Variants in NOD2 observed in about 807,000 individuals in gnomAD.
NOD2 encodes the protein nucleotide-binding oligomerization domain-containing protein 2.
A neutral mutation model predicts 90.9 loss-of-function variants in NOD2; 86 were observed. The observed-to-expected ratio is 0.95, with a 90% CI of 0.79 to 1.13. The LOEUF (loss-of-function observed/expected upper bound fraction) is 1.13, where lower values mean the gene tolerates loss of function less well. Among genes scored for constraint, NOD2 ranks in the 50% most tolerant of loss-of-function variants. The pLI, the probability that NOD2 is intolerant of heterozygous loss-of-function variation, is 0.00. For synonymous variants in NOD2, 581 were observed against 554.6 expected (o/e 1.05, Z -0.67); for missense variants, 1,238 against 1,283.8 (o/e 0.96, Z 0.55).
chr16:50,708,836 C>T (rs1357736653), intron 3 of NOD2, among the ~76,000 whole-genome samples: 4 of 152,150 alleles, frequency 2.6e-5, no homozygotes, highest in Admixed American at 6.5e-5. Context: ...CTGGCACTCG[C>T]GAGTGCACCG....
At position 50,731,619 on chromosome 16, in the gene NOD2, G is replaced by GAA. The variant is rs1450629299; in HGVS notation, c.2970-126_2970-125dup. Reference sequence around the variant, plus strand: ...AAAAACAGCCCTGACTTCCCTGCAAGAAACACTGCAGCTGGGCCAGAGAGT... The same window carrying GAA: ...AAAAACAGCCCTGACTTCCCTGCAAGAAAAACACTGCAGCTGGGCCAGAGAGT... On this transcript the variant is annotated intron_variant, in intron 11 of 11. Coordinates refer to ENST00000647318, the MANE Select transcript of NOD2 (RefSeq NM_001370466.1). The GAA allele has an allele frequency of 5.5e-6, 4 of 730,288 alleles. No homozygotes were observed. The African/African-American group carries it at 6.9e-5, about 13-fold the overall frequency. 45.2% of individuals were successfully genotyped at this position (730,288 alleles called of 1,614,324 possible).
At chr16:50,706,451 G>T (rs367766667) in intron 2 of NOD2, among the ~76,000 whole-genome samples, 7 of 152,184 alleles carry the variant, frequency 4.6e-5, no homozygotes, top group African/African-American at 1.7e-4. Flanking sequence ...AGGAACAGAA[G>T]CAGGGGGACC....
In NOD2 at chr16:50,712,133, G is replaced by T. The variant is rs759074613; in HGVS notation, c.2141G>T (p.Trp714Leu). ...GTGCATGCCATGCCCGGGTTCATCT[G>T]GCTCATCCGGAGCCTGTACGAGATG... ...KSVHAMPGFIWLIRSLYEMQE... is the reference protein window; with the variant it reads ...KSVHAMPGFILLIRSLYEMQE... Residue 714 changes from tryptophan to leucine, a missense_variant, in exon 4 of 12, where the codon TGG (tryptophan) becomes TTG (leucine). Physicochemically the swap from Trp to Leu is moderately conservative, Grantham distance 61. Transcript: ENST00000647318. The T allele has an allele frequency of 6.2e-7, 1 of 1,613,970 alleles. No homozygotes were observed.
chr16:50,716,927 C>G lies in NOD2; in HGVS notation c.2502C>G (p.His834Gln). The part of the protein sequence containing the change: ...FNNKLTDGCA[H>Q]SMAKLLACRQ... ...ACAAATTGACTGACGGCTGTGCACACTCCATGGCTAAGCTCCTTGCATGCA... is the reference window on the plus strand; with the variant it reads ...ACAAATTGACTGACGGCTGTGCACAGTCCATGGCTAAGCTCCTTGCATGCA... The change falls in exon 6 of 12, where the codon CAC becomes CAG. Residue 834 changes from histidine to glutamine, a missense_variant. Around this residue, in one of 3 missense-constraint regions of NOD2, gnomAD observed 667 missense variants for 688.7 expected, o/e 0.97. Coordinates refer to ENST00000647318, the MANE Select transcript of NOD2 (RefSeq NM_001370466.1). 6.2e-7 allele frequency: 1 copy of G among 1,614,284 alleles called. No individual in the cohort carries two copies. Among genetic ancestry groups the G allele is most frequent in the Non-Finnish European group, 8.5e-7 (1 of 1,180,046 alleles).
intron 3 of NOD2, chr16:50,709,995 G>C: frequency 2.2e-6 from 1 of 456,048 alleles, no homozygotes; most frequent in Non-Finnish European, 4.4e-6. Context: ...AGTGTATGGT[G>C]GACCCAGGTT....
At chr16:50,727,822 T>G in intron 10 of NOD2, 1 of 372,062 alleles carries the variant, frequency 2.7e-6, no homozygotes. Context: ...ACTTCTCATA[T>G]GTAATGGTTT....
Position 50,711,935 on chromosome 16 carries a change from C to A in NOD2, c.1943C>A (p.Ala648Glu). ...GAGCCGCACAACCTTCAGATCACAGCAGCCTTCCTGGCAGGGCTGTTGTCC... is the reference window on the plus strand; with the variant it reads ...GAGCCGCACAACCTTCAGATCACAGAAGCCTTCCTGGCAGGGCTGTTGTCC... ...KAEPHNLQIT[A>E]AFLAGLLSRE... Residue 648 changes from alanine (A) to glutamate (E), a missense_variant, in exon 4 of 12, where the codon GCA (alanine) becomes GAA (glutamate). This residue lies in a region of NOD2 where 667 missense variants were observed against 688.7 expected (regional missense o/e 0.97). Coordinates refer to ENST00000647318, the MANE Select transcript of NOD2 (RefSeq NM_001370466.1). The A allele has an allele frequency of 6.2e-7, 1 of 1,611,860 alleles. No homozygotes were observed. Among genetic ancestry groups the A allele is most frequent in the Non-Finnish European group, 8.5e-7 (1 of 1,178,604 alleles).
At position 50,732,193 on chromosome 16, in the gene NOD2, C is replaced by G. The variant is rs1044571264; in HGVS notation, c.*374C>G. The G allele has an allele frequency of 2.7e-6, 1 of 370,880 alleles. No individual in the cohort carries two copies. Among genetic ancestry groups the G allele is most frequent in the Non-Finnish European group, 5.2e-6 (1 of 192,032 alleles). 23.0% of individuals were successfully genotyped at this position (370,880 alleles called of 1,614,324 possible). A position where few individuals can be genotyped will look rare whatever the true frequency, so the allele number is the denominator to read the frequency against. ...CTGAGTGCCTTTTGGTGGAGAGGCCCGGCCTCTCACAAAAGACCCCTTACC... is the reference window on the plus strand; with the variant it reads ...CTGAGTGCCTTTTGGTGGAGAGGCCGGGCCTCTCACAAAAGACCCCTTACC... On this transcript the variant is annotated 3_prime_UTR_variant, in exon 12 of 12. Coordinates refer to ENST00000647318, the MANE Select transcript of NOD2 (RefSeq NM_001370466.1).
intron 1 of NOD2, chr16:50,697,415 C>T (rs368240261): frequency 1.3e-5 from 15 of 1,134,232 alleles, no homozygotes; most frequent in East Asian, 5.1e-5. Flanking sequence ...ATGGGGAGTG[C>T]TGACTCTGTT....
Position 50,710,630 on chromosome 16 carries a change from A to G in NOD2, c.638A>G (p.Tyr213Cys), listed in dbSNP as rs202190367. The change falls in exon 4 of 12, where the codon TAT becomes TGT. Residue 213 changes from tyrosine to cysteine, a missense_variant. Tyr to Cys is a radical substitution (Grantham distance 194). Around this residue, in one of 3 missense-constraint regions of NOD2, gnomAD observed 567 missense variants for 577.3 expected, o/e 0.98. Coordinates refer to ENST00000647318, the MANE Select transcript of NOD2 (RefSeq NM_001370466.1). ...GCTCAGTCTCGCTTCCTCAGTACCT[A>G]TGATGGAGCAGAGACGCTCTGCCTG... is the stretch of plus-strand genomic sequence containing the variant. ...VSAQSRFLST[Y>C]DGAETLCLED... The G allele has an allele frequency of 5.9e-5, 96 of 1,614,002 alleles. No homozygotes were observed. The highest frequency in any genetic ancestry group is 6.9e-5 in the Non-Finnish European group (82 of 1,180,028).
At chr16:50,718,902 A>G (rs1015085261) in intron 6 of NOD2, among the ~76,000 whole-genome samples, 1 of 152,146 alleles carries the variant, frequency 6.6e-6, no homozygotes, top group Non-Finnish European at 1.5e-5. Flanking sequence ...ATTGGGGAAA[A>G]GTCCTAAAAG....
rs61193331 is a variant in NOD2, at chr16:50,710,226, G to T, written c.566-332G>T. ...CCTCCTGGTGTCAGTAATGATAACG[G>T]CAGTCACTGATGTCTTTTGAGCACT... On this transcript the variant is annotated intron_variant, in intron 3 of 11. Coordinates refer to ENST00000647318, the MANE Select transcript of NOD2 (RefSeq NM_001370466.1). Among the ~76,000 whole-genome samples the T allele has an allele frequency of 9.6e-3, 1,457 of 152,342 alleles. 19 individuals carry two copies. Among genetic ancestry groups the T allele is most frequent in the African/African-American group, 0.03 (1,243 of 41,580 alleles).
chr16:50,723,692 A>G (rs1965168121), intron 9 of NOD2, among the ~76,000 whole-genome samples: 3 of 152,340 alleles, frequency 2.0e-5, no homozygotes, highest in South Asian at 4.1e-4. Context: ...GGCAAGTTAA[A>G]TAACAATTTC....
rs535063121 is a variant in NOD2 at position 50,732,201 on chromosome 16, C to T, written c.*382C>T. On this transcript the variant is annotated 3_prime_UTR_variant, in exon 12 of 12. Coordinates refer to ENST00000647318, the MANE Select transcript of NOD2 (RefSeq NM_001370466.1). ...CTTTTGGTGGAGAGGCCCGGCCTCTCACAAAAGACCCCTTACCACTGCTCT... is the reference window on the plus strand; with the variant it reads ...CTTTTGGTGGAGAGGCCCGGCCTCTTACAAAAGACCCCTTACCACTGCTCT... 143 of 369,280 alleles carry T rather than the reference C, an allele frequency of 3.9e-4. No individual in the cohort carries two copies. The highest frequency in any genetic ancestry group is 1.0e-3 in the South Asian group (43 of 42,312). 22.9% of individuals were successfully genotyped at this position (369,280 alleles called of 1,614,324 possible).
rs552063011 is a variant in NOD2 at position 50,720,279 on chromosome 16, G to A, written c.2633+271G>A. 3.9e-4 allele frequency among the ~76,000 whole-genome samples: 60 copies of A among 152,204 alleles called. 2 individuals carry two copies. The South Asian group carries it at 0.012, about 31-fold the overall frequency. ...CCCTCTGATCCTCAGGGGGCGCTAG[G>A]GCTGTACTTTAGCTGCATATTAAAA... On this transcript the variant is annotated intron_variant, in intron 7 of 11. Transcript: ENST00000647318.
At chr16:50,714,583 T>C (rs1596878152) in intron 4 of NOD2, among the ~76,000 whole-genome samples, 1 of 150,378 alleles carries the variant, frequency 6.6e-6, no homozygotes, top group African/African-American at 2.5e-5. Flanking sequence ...GAAGCAACCA[T>C]GAGGTTGCTG....
At chr16:50,698,959 G>A (rs1963796076) in intron 1 of NOD2, among the ~76,000 whole-genome samples, 1 of 138,726 alleles carries the variant, frequency 7.2e-6, no homozygotes, top group Admixed American at 7.4e-5. Context: ...AAACGGTCTT[G>A]CTCTCTTGCC....
chr16:50,712,214 A>G lies in NOD2; in HGVS notation c.2222A>G (p.Lys741Arg), dbSNP rs1298126346. ...CGTGGCCTGAATGTTGGGCACCTCA[A>G]GTTGACATTTTGCAGTGTGGGCCCC... ...AARGLNVGHLKLTFCSVGPTE... is the reference protein window; with the variant it reads ...AARGLNVGHLRLTFCSVGPTE... Residue 741 changes from lysine to arginine, a missense_variant, in exon 4 of 12, where the codon AAG becomes AGG. By Grantham distance (26) the Lys-to-Arg change is conservative. Transcript: ENST00000647318. The G allele has an allele frequency of 3.7e-6, 6 of 1,613,828 alleles. No homozygotes were observed. The highest frequency in any genetic ancestry group is 1.7e-5 in the Admixed American group (1 of 60,012).
At chr16:50,697,700 C>T (rs976806506) in intron 1 of NOD2, 1 of 352,760 alleles carries the variant, frequency 2.8e-6, no homozygotes, top group Non-Finnish European at 5.5e-6. Flanking sequence ...TTCCAGTGGC[C>T]TCTGCAGGGG....
Sources: allele counts gnomAD v4.1 joint callset (sites outside exome capture counted in the v4.1 genomes callset), GRCh38; gene constraint gnomAD v4.1.1; regional missense constraint gnomAD v4.1.1; transcripts MANE v1.5; gene names NCBI Gene and HGNC (gene_info 2026-07-23, HGNC 2026-07-21).